SFMBT1: variants seen among roughly 807,000 people sequenced by gnomAD.
SFMBT1 encodes scm-like with four MBT domains protein 1.
Under a neutral mutation model 108.7 loss-of-function variants are expected in SFMBT1, and 32 were observed. The observed-to-expected ratio is 0.29, with a 90% CI of 0.22 to 0.40. The LOEUF (loss-of-function observed/expected upper bound fraction) is 0.40, where lower values mean the gene tolerates loss of function less well. Ranked by LOEUF, SFMBT1 falls within the 10% of genes least tolerant of loss-of-function variation. The probability of loss-of-function intolerance (pLI) is 1.00; values close to 1 mark genes in which losing one functional copy is unlikely to be tolerated. For synonymous variants in SFMBT1, 348 were observed against 369.5 expected (o/e 0.94, Z 0.67); for missense variants, 816 against 1,059.6 (o/e 0.77, Z 3.19).
At chr3:52,934,666 G>A in intron 5 of SFMBT1, 147 bp downstream of exon 5, 1 of 561,374 alleles carries the variant, frequency 1.8e-6, no homozygotes. Context: ...AACCTCTGAG[G>A]GTAAGTTTAA....
intron 1 of SFMBT1, among the ~76,000 whole-genome samples, chr3:53,009,171 G>A (rs1456905446): frequency 1.3e-5 from 2 of 152,010 alleles, no homozygotes; most frequent in African/African-American, 4.8e-5. Flanking sequence ...TTTTGGCTGG[G>A]CACGGTGGCT....
At chr3:52,928,655 C>CATAT (rs1377767825) in intron 8 of SFMBT1, among the ~76,000 whole-genome samples, 8 of 26,750 alleles carry the variant, frequency 3.0e-4, no homozygotes, top group Admixed American at 7.3e-4. Flanking sequence ...TATATATATA[C>CATAT]ACATATATAC....
intron 13 of SFMBT1, among the ~76,000 whole-genome samples, chr3:52,916,757 G>A (rs983473336): frequency 6.6e-6 from 1 of 151,846 alleles, no homozygotes; most frequent in Non-Finnish European, 1.5e-5. Context: ...TATATATAGG[G>A]CATAATGAGC....
chr3:52,918,506 C>G lies in SFMBT1; in HGVS notation c.1393G>C (p.Ala465Pro). ...TACTGTTTTTCTGGCTGAACCACTG[C>G]AATTTTCCTCTGTTTATATACTGTA... ...RARVYKQRKI[A>P]VVQPEKQVPS... The change falls in exon 13 of 21, where the codon GCA becomes CCA. Residue 465 changes from alanine (A) to proline (P), a missense_variant. Ala to Pro is a conservative substitution (Grantham distance 27, BLOSUM62 -1). This residue lies in a region of SFMBT1 where 495 missense variants were observed against 607.4 expected (regional missense o/e 0.81). Coordinates refer to ENST00000394752, the MANE Select transcript of SFMBT1 (RefSeq NM_016329.4). 1 of 1,558,478 alleles carries G rather than the reference C, an allele frequency of 6.4e-7. No homozygotes were observed. Among genetic ancestry groups the G allele is most frequent in the East Asian group, 2.4e-5 (1 of 42,108 alleles).
intron 10 of SFMBT1, among the ~76,000 whole-genome samples, chr3:52,922,547 G>A (rs1702551215): frequency 6.6e-6 from 1 of 152,176 alleles, no homozygotes. Context: ...TTAGAACAGG[G>A]TCTGGAAACT....
At chr3:53,006,543 C>G (rs937611736) in intron 1 of SFMBT1, among the ~76,000 whole-genome samples, 5 of 151,106 alleles carry the variant, frequency 3.3e-5, no homozygotes, top group South Asian at 2.1e-4. Flanking sequence ...GCAGGAAAAT[C>G]ACTTGAACCC....
chr3:52,956,604 CA>C (rs1223953120), intron 2 of SFMBT1, among the ~76,000 whole-genome samples: 1 of 151,808 alleles, frequency 6.6e-6, no homozygotes, highest in South Asian at 2.1e-4. Context: ...ACCAAAAATA[CA>C]AAAAAATTAG....
chr3:52,920,503 C>G, intron 12 of SFMBT1, 34 bp downstream of exon 12: 1 of 1,463,944 alleles, frequency 6.8e-7, no homozygotes, highest in Non-Finnish European at 9.5e-7. Flanking sequence ...GATTATTTAA[C>G]AATCAATCCT....
At chr3:53,032,390 A>G (rs1226899391) in intron 1 of SFMBT1, among the ~76,000 whole-genome samples, 1 of 152,080 alleles carries the variant, frequency 6.6e-6, no homozygotes, top group Non-Finnish European at 1.5e-5. Context: ...AAATAAATAA[A>G]AATTGATATC....
intron 4 of SFMBT1, 90 bp from the exon 5 acceptor site, chr3:52,934,991 TC>T: frequency 9.4e-7 from 1 of 1,067,624 alleles, no homozygotes; most frequent in Non-Finnish European, 1.4e-6. Flanking sequence ...TAAAGGTATT[TC>T]ACATTTTAAG....
intron 3 of SFMBT1, 92 bp from the exon 4 acceptor site, chr3:52,943,685 G>A: frequency 6.7e-7 from 1 of 1,489,730 alleles, no homozygotes; most frequent in African/African-American, 1.4e-5. Context: ...CAATTCCGAA[G>A]CACTAAATGC....
Position 52,948,825 on chromosome 3 carries a change from ATTT to A in SFMBT1, c.124-5235_124-5233del, listed in dbSNP as rs71615878. On this transcript the variant is annotated intron_variant, in intron 3 of 20. Transcript: ENST00000394752. ...CTCCACCATGCCTGGCTAATTTTTA[ATTT>A]TTTTTTTTTTTTTTTTTTGTAGAAA... Among the ~76,000 whole-genome samples the A allele has an allele frequency of 1.2e-3, 91 of 78,306 alleles. 2 individuals are homozygous for A. The highest frequency in any genetic ancestry group is 1.4e-3 in the Non-Finnish European group (61 of 42,476). The allele number at this position is 78,306 out of a possible 152,430, so 51.4% of individuals were successfully genotyped here. A position where few individuals can be genotyped will look rare whatever the true frequency, so the allele number is the denominator to read the frequency against.
At chr3:53,030,773 T>C (rs992671922) in intron 1 of SFMBT1, among the ~76,000 whole-genome samples, 2 of 151,170 alleles carry the variant, frequency 1.3e-5, no homozygotes, top group East Asian at 3.9e-4. Flanking sequence ...TACAAATACA[T>C]TAGCAAGTCT....
chr3:52,932,465 T>G (rs1320182521), intron 5 of SFMBT1, among the ~76,000 whole-genome samples, 157 bp from the exon 6 acceptor site: 1 of 152,240 alleles, frequency 6.6e-6, no homozygotes, highest in Non-Finnish European at 1.5e-5. Flanking sequence ...CCTCTTACAG[T>G]ATTATTTCTA....
At chr3:52,966,446 A>C (rs1704149974) in intron 2 of SFMBT1, among the ~76,000 whole-genome samples, 1 of 151,220 alleles carries the variant, frequency 6.6e-6, no homozygotes, top group Non-Finnish European at 1.5e-5. Flanking sequence ...TAACACAGTG[A>C]AACCCCGTCT....
chr3:53,007,337 A>G (rs537773446), intron 1 of SFMBT1, among the ~76,000 whole-genome samples: 5 of 152,368 alleles, frequency 3.3e-5, no homozygotes, highest in East Asian at 1.9e-4. Context: ...CGTTGTATCA[A>G]AAAGTCACTC....
In SFMBT1 at chr3:52,911,003, T is replaced by C; in HGVS notation, c.1906A>G (p.Thr636Ala). 1 of 1,614,008 alleles carries C rather than the reference T, an allele frequency of 6.2e-7. No homozygotes were observed. Among genetic ancestry groups the C allele is most frequent in the Non-Finnish European group, 8.5e-7 (1 of 1,179,918 alleles). ...AACACATTGGAAAAACATGACTCAC[T>C]GTATTTGGTCTTTGTAAGTACAGAA... ...NCSVLTKTKY[T>A]HYYGKKKNKR... Residue 636 changes from threonine to alanine, a missense_variant and splice_region_variant, in exon 17 of 21, where the codon ACA becomes GCA. Coordinates refer to ENST00000394752, the MANE Select transcript of SFMBT1 (RefSeq NM_016329.4).
intron 2 of SFMBT1, among the ~76,000 whole-genome samples, chr3:52,957,402 A>G (rs1003725934): frequency 6.6e-6 from 1 of 152,224 alleles, no homozygotes; most frequent in Non-Finnish European, 1.5e-5. Context: ...ATACTACCCA[A>G]AGTAATTTAT....
At chr3:53,008,152 G>C (rs898840538) in intron 1 of SFMBT1, among the ~76,000 whole-genome samples, 1 of 152,140 alleles carries the variant, frequency 6.6e-6, no homozygotes, top group Non-Finnish European at 1.5e-5. Flanking sequence ...GAATGGGGGG[G>C]TGTGAGGAGT....
Sources: allele counts gnomAD v4.1 joint callset (sites outside exome capture counted in the v4.1 genomes callset), GRCh38; gene constraint gnomAD v4.1.1; regional missense constraint gnomAD v4.1.1; transcripts MANE v1.5; gene names NCBI Gene and HGNC (gene_info 2026-07-23, HGNC 2026-07-21).